ACTR3: variants seen among roughly 807,000 people sequenced by gnomAD.
The protein encoded by ACTR3 is actin-related protein 3.
A neutral mutation model predicts 56.8 loss-of-function variants in ACTR3; 12 were observed. The observed-to-expected ratio is 0.21, with a 90% CI of 0.14 to 0.34. The LOEUF (loss-of-function observed/expected upper bound fraction) is 0.34. ACTR3 is among the 10% of genes least tolerant of loss of function. The probability of loss-of-function intolerance (pLI) is 1.00; values close to 1 mark genes in which losing one functional copy is unlikely to be tolerated. For synonymous variants in ACTR3, 162 were observed against 167.4 expected (o/e 0.97, Z 0.25); for missense variants, 282 against 512.5 (o/e 0.55, Z 4.34).
chr2:113,891,996 T>C (rs937037390), intron 1 of ACTR3, among the ~76,000 whole-genome samples: 4 of 152,252 alleles, frequency 2.6e-5, no homozygotes, highest in Non-Finnish European at 5.9e-5. Flanking sequence ...TTTTCAAATG[T>C]GTTTTGTTAA....
At chr2:113,953,972 G>GT (rs1680166674) in intron 10 of ACTR3, 1 of 152,114 alleles carries the variant, frequency 6.6e-6, no homozygotes, top group African/African-American at 2.4e-5. Context: ...CATACTCAAT[G>GT]TTTTTTGTCT....
At chr2:113,956,575 A>G (rs970137779) in intron 11 of ACTR3, among the ~76,000 whole-genome samples, 3 of 152,186 alleles carry the variant, frequency 2.0e-5, no homozygotes, top group South Asian at 2.1e-4. Context: ...GATGTTTTAC[A>G]CTGAATAAAG....
At chr2:113,909,589 G>A (rs1291229282) in intron 1 of ACTR3, among the ~76,000 whole-genome samples, 4 of 151,070 alleles carry the variant, frequency 2.6e-5, no homozygotes, top group African/African-American at 9.7e-5. Context: ...GAAGTTTTAA[G>A]TTGTGATAAA....
intron 5 of ACTR3, chr2:113,933,766 G>C (rs1231459658): frequency 6.9e-6 from 1 of 144,460 alleles, no homozygotes; most frequent in East Asian, 2.2e-4. Context: ...TGCAAGCTCC[G>C]CCTCCCGGGT....
In ACTR3 at chr2:113,944,395, G is replaced by T. The variant is rs111489544; in HGVS notation, c.858+2036G>T. Among the ~76,000 whole-genome samples the T allele has an allele frequency of 1.8e-4, 27 of 152,026 alleles. No homozygotes were observed. The South Asian group carries it at 5.4e-3, about 30-fold the overall frequency. ...TAGGTACAGGAAAATGAACTAGGAA[G>T]GGCAGAAGCACAGGTAGGTAGTTGA... On this transcript the variant is annotated intron_variant, in intron 8 of 11. Transcript: ENST00000263238.
chr2:113,949,195 T>A (rs1482280118), intron 8 of ACTR3, among the ~76,000 whole-genome samples: 1 of 150,708 alleles, frequency 6.6e-6, no homozygotes, highest in East Asian at 2.0e-4. Flanking sequence ...CTGGCCAACA[T>A]GGTGAAACCC....
chr2:113,905,478 AAT>A (rs1679175946), intron 1 of ACTR3, among the ~76,000 whole-genome samples: 1 of 151,824 alleles, frequency 6.6e-6, no homozygotes, highest in African/African-American at 2.4e-5. Context: ...AAAAAAAAAA[AAT>A]TTTTTTTTTG....
At chr2:113,935,094 AT>A (rs1679799881) in intron 6 of ACTR3, among the ~76,000 whole-genome samples, 1 of 151,488 alleles carries the variant, frequency 6.6e-6, no homozygotes, top group Non-Finnish European at 1.5e-5. Context: ...TCTGTTAAAG[AT>A]TACATCCTCA....
In ACTR3 at chr2:113,939,865, CTT is replaced by C. The variant is rs1001788988; in HGVS notation, c.541-93_541-92del. 11 of 1,148,576 alleles carry C rather than the reference CTT, an allele frequency of 9.6e-6. No individual in the cohort carries two copies. In the African/African-American group the frequency reaches 1.2e-4, roughly 13 times the overall value. The allele number at this position is 1,148,576 out of a possible 1,614,324, so 71.1% of individuals were successfully genotyped here. Reference sequence around the variant, plus strand: ...GTACTTGAGACTATAAATACACTAACTTAATAAATTGGTCTTTATTGGTTCAT... The same window carrying C: ...GTACTTGAGACTATAAATACACTAACAATAAATTGGTCTTTATTGGTTCAT... On this transcript the variant is annotated intron_variant, in intron 6 of 11. Coordinates refer to ENST00000263238, the MANE Select transcript of ACTR3 (RefSeq NM_005721.5).
At chr2:113,953,074 A>G (rs762880330) in intron 10 of ACTR3, 3 of 152,170 alleles carry the variant, frequency 2.0e-5, no homozygotes, top group Non-Finnish European at 4.4e-5. Context: ...TCCTAATGGT[A>G]TGGTTATGGA....
intron 1 of ACTR3, among the ~76,000 whole-genome samples, chr2:113,907,164 G>A (rs893906088): frequency 1.3e-5 from 2 of 152,196 alleles, no homozygotes; most frequent in Admixed American, 6.5e-5. Context: ...GAGGGAATGA[G>A]ATCAGGTTGT....
At chr2:113,916,744 C>G in intron 2 of ACTR3, 140 bp from the exon 3 acceptor site, 1 of 628,944 alleles carries the variant, frequency 1.6e-6, no homozygotes, top group Non-Finnish European at 2.3e-6. Flanking sequence ...TTTCTTATGA[C>G]TTTTGTGAAT....
rs771743659 is a variant in ACTR3, at chr2:113,957,345, A to AT, written c.1162-9dup. The AT allele has an allele frequency of 1.6e-5, 25 of 1,597,790 alleles. No homozygotes were observed. In the East Asian group the frequency reaches 2.2e-4, roughly 14 times the overall value. On this transcript the variant is annotated splice_polypyrimidine_tract_variant and intron_variant, in intron 11 of 11. Coordinates refer to ENST00000263238, the MANE Select transcript of ACTR3 (RefSeq NM_005721.5). Reference sequence around the variant, plus strand: ...ATTTTTGACCCTTATAAAAATACATATTTTTTGTTTTCAGCCTGAGTTCTA... The same window carrying AT: ...ATTTTTGACCCTTATAAAAATACATATTTTTTTGTTTTCAGCCTGAGTTCTA...
intron 3 of ACTR3, among the ~76,000 whole-genome samples, chr2:113,924,248 T>C (rs2104602887): frequency 6.6e-6 from 1 of 152,072 alleles, no homozygotes; most frequent in South Asian, 2.1e-4. Flanking sequence ...TAAAAATTTT[T>C]TTTTTTTTTG....
At position 113,955,550 on chromosome 2, in the gene ACTR3, A is replaced by G; in HGVS notation, c.1078-73A>G. 2.7e-6 allele frequency: 3 copies of G among 1,125,790 alleles called. No individual in the cohort carries two copies. In the Admixed American group the frequency reaches 5.7e-5, roughly 21 times the overall value. The allele number at this position is 1,125,790 out of a possible 1,614,324, so 69.7% of individuals were successfully genotyped here. On this transcript the variant is annotated intron_variant, in intron 10 of 11. Coordinates refer to ENST00000263238, the MANE Select transcript of ACTR3 (RefSeq NM_005721.5). ...ACAGATATTATTTTTGTATATGTAC[A>G]TTTAAGGTTAAATGACACAGAAGTT... is the stretch of plus-strand genomic sequence containing the variant.
chr2:113,903,717 C>T (rs1324147631), intron 1 of ACTR3, among the ~76,000 whole-genome samples: 1 of 151,978 alleles, frequency 6.6e-6, no homozygotes, highest in Non-Finnish European at 1.5e-5. Context: ...TGGTCTTGAA[C>T]TCCTGGCCTC....
intron 4 of ACTR3, among the ~76,000 whole-genome samples, chr2:113,927,744 CT>C (rs1160683236): frequency 6.6e-6 from 1 of 152,066 alleles, no homozygotes; most frequent in East Asian, 1.9e-4. Context: ...ACCTGTGGCA[CT>C]TTTTTGCTTA....
chr2:113,916,805 G>A, intron 2 of ACTR3, 79 bp from the exon 3 acceptor site: 1 of 1,277,184 alleles, frequency 7.8e-7, no homozygotes, highest in Non-Finnish European at 1.1e-6. Flanking sequence ...GTAGTACTTT[G>A]TAATGGGAGA....
chr2:113,931,889 A>ATT (rs763309786), intron 5 of ACTR3, among the ~76,000 whole-genome samples: 1 of 138,640 alleles, frequency 7.2e-6, no homozygotes. Flanking sequence ...AGCTGACCTC[A>ATT]TTTTTTTTTT....
Sources: gnomAD v4.1 joint callset for allele counts (sites outside exome capture counted in the v4.1 genomes callset) on GRCh38, gnomAD v4.1.1 for gene constraint, MANE v1.5 for transcripts, NCBI Gene and HGNC (gene_info 2026-07-23, HGNC 2026-07-21) for gene names.